The following LDLRAD4 variants were observed in gnomAD, a reference collection of about 807,000 sequenced individuals.
LDLRAD4 encodes low density lipoprotein receptor class A domain containing 4.
LDLRAD4 carries 5 observed loss-of-function variants against 17.0 expected under a neutral mutation model. The observed-to-expected ratio is 0.29, with a 90% CI of 0.15 to 0.62. The LOEUF is 0.62. Among genes scored for constraint, LDLRAD4 ranks in the 20% least tolerant of loss-of-function variants. LDLRAD4 has a pLI of 0.84. For missense variants in LDLRAD4, 340 were observed against 424.7 expected (o/e 0.80, Z 1.75); for synonymous variants, 168 against 171.8 (o/e 0.98, Z 0.17).
intron 1 of LDLRAD4, among the ~76,000 whole-genome samples, chr18:13,223,755 C>G (rs918450353): frequency 2.6e-5 from 4 of 152,174 alleles, no homozygotes; most frequent in African/African-American, 9.7e-5. Flanking sequence ...TGAGGGCTGC[C>G]ATACACTGAT....
chr18:13,344,114 T>C (rs1034214141), intron 1 of LDLRAD4, among the ~76,000 whole-genome samples: 5 of 152,250 alleles, frequency 3.3e-5, no homozygotes, highest in Admixed American at 1.3e-4. Context: ...ATTTTGGCTT[T>C]TGATGCCATT....
At chr18:13,239,188 A>AAAG (rs1366013749) in intron 1 of LDLRAD4, among the ~76,000 whole-genome samples, 1 of 146,046 alleles carries the variant, frequency 6.8e-6, no homozygotes, top group Non-Finnish European at 1.5e-5. Flanking sequence ...CTCTGTCTCA[A>AAAG]AAAAAAAAAA....
intron 3 of LDLRAD4, among the ~76,000 whole-genome samples, chr18:13,496,993 C>T (rs778775437): frequency 1.9e-4 from 29 of 152,138 alleles, no homozygotes; most frequent in African/African-American, 5.8e-4. Context: ...CTAAGAAATG[C>T]GCATGTATTC....
chr18:13,359,608 AT>A (rs909256563), intron 1 of LDLRAD4, among the ~76,000 whole-genome samples: 1 of 152,194 alleles, frequency 6.6e-6, no homozygotes, highest in Admixed American at 6.5e-5. Flanking sequence ...TAATTTTTTA[AT>A]TGCAGATAAG....
At chr18:13,257,776 AG>A (rs1415422275) in intron 1 of LDLRAD4, among the ~76,000 whole-genome samples, 2 of 152,208 alleles carry the variant, frequency 1.3e-5, no homozygotes, top group African/African-American at 4.8e-5. Context: ...GGATGCTGTT[AG>A]ACTGCCCACA....
At chr18:13,493,803 C>A (rs933565601) in intron 3 of LDLRAD4, among the ~76,000 whole-genome samples, 1 of 152,182 alleles carries the variant, frequency 6.6e-6, no homozygotes, top group African/African-American at 2.4e-5. Context: ...CAGAGGGAGG[C>A]GGTCAAAGCC....
chr18:13,571,159 T>C (rs1164321837), intron 3 of LDLRAD4, among the ~76,000 whole-genome samples: 1 of 152,160 alleles, frequency 6.6e-6, no homozygotes, highest in Admixed American at 6.5e-5. Flanking sequence ...GTGTCCACTT[T>C]CCTCACACTC....
chr18:13,644,217 G>A (rs1200946359), intron 5 of LDLRAD4, among the ~76,000 whole-genome samples: 2 of 151,904 alleles, frequency 1.3e-5, no homozygotes, highest in Non-Finnish European at 2.9e-5. Flanking sequence ...TTAATAAATC[G>A]ACCCAATGCT....
At chr18:13,314,454 T>A (rs2080822090) in intron 1 of LDLRAD4, among the ~76,000 whole-genome samples, 1 of 152,210 alleles carries the variant, frequency 6.6e-6, no homozygotes. Flanking sequence ...ACCTTGGAGA[T>A]GTTGTGGAAT....
intron 3 of LDLRAD4, chr18:13,520,000 A>C (rs1353802764): frequency 1.3e-5 from 2 of 152,256 alleles, no homozygotes; most frequent in African/African-American, 4.8e-5. Flanking sequence ...CACTAGCTAC[A>C]GGTGCATTTA....
At chr18:13,595,591 C>T (rs993606181) in intron 3 of LDLRAD4, among the ~76,000 whole-genome samples, 3 of 152,118 alleles carry the variant, frequency 2.0e-5, no homozygotes, top group Non-Finnish European at 4.4e-5. Context: ...TTAAGCCAAC[C>T]TCCCACCTTG....
intron 1 of LDLRAD4, among the ~76,000 whole-genome samples, chr18:13,306,382 T>C (rs2046915473): frequency 6.6e-6 from 1 of 152,226 alleles, no homozygotes; most frequent in Non-Finnish European, 1.5e-5. Flanking sequence ...AGTCAGGAAG[T>C]ACGTTGCCAG....
intron 1 of LDLRAD4, among the ~76,000 whole-genome samples, chr18:13,219,345 C>T (rs2041319695): frequency 6.6e-6 from 1 of 152,096 alleles, no homozygotes; most frequent in Non-Finnish European, 1.5e-5. Flanking sequence ...TTGTTTTTCC[C>T]CCAAAATTTT....
intron 4 of LDLRAD4, among the ~76,000 whole-genome samples, chr18:13,639,351 ACT>A (rs1316303447): frequency 1.3e-5 from 2 of 152,136 alleles, no homozygotes; most frequent in Non-Finnish European, 2.9e-5. Context: ...AGCTATCTGC[ACT>A]CTCTCAGTTG....
intron 4 of LDLRAD4, among the ~76,000 whole-genome samples, chr18:13,623,350 CA>C (rs2148828395): frequency 6.6e-6 from 1 of 152,368 alleles, no homozygotes; most frequent in Non-Finnish European, 1.5e-5. Context: ...CAGTGGTCCA[CA>C]TCCCTGTCTG....
At chr18:13,320,121 T>A (rs1340062453) in intron 1 of LDLRAD4, among the ~76,000 whole-genome samples, 1 of 152,236 alleles carries the variant, frequency 6.6e-6, no homozygotes, top group Non-Finnish European at 1.5e-5. Flanking sequence ...AGATAACATA[T>A]TTTATTGCAT....
rs537881753 is a variant in LDLRAD4 at position 13,348,316 on chromosome 18, T to C, written c.-382-39025T>C. The stretch of plus-strand genomic sequence containing the variant: ...GTCAGGACCCTCAGCTGCAGGTCTT[T>C]TGGAGTTTGCTGGAGGTCCACTCCA... On this transcript the variant is annotated intron_variant, in intron 1 of 5. Transcript: ENST00000359446. 1.0e-3 allele frequency among the ~76,000 whole-genome samples: 157 copies of C among 152,336 alleles called. 1 individual carries two copies. The highest frequency in any genetic ancestry group is 3.7e-3 in the African/African-American group (152 of 41,566).
At chr18:13,528,544 C>G (rs1458211114) in intron 3 of LDLRAD4, among the ~76,000 whole-genome samples, 4 of 152,146 alleles carry the variant, frequency 2.6e-5, no homozygotes, top group Admixed American at 2.6e-4. Context: ...AACTCCTGAC[C>G]TCGGGTGATC....
chr18:13,357,659 T>C (rs2083428258), intron 1 of LDLRAD4, among the ~76,000 whole-genome samples: 1 of 152,210 alleles, frequency 6.6e-6, no homozygotes, highest in Non-Finnish European at 1.5e-5. Context: ...ATATTTCTTT[T>C]AATATTGTCT....
Sources: gnomAD v4.1 joint callset for allele counts (sites outside exome capture counted in the v4.1 genomes callset) on GRCh38, gnomAD v4.1.1 for gene constraint, MANE v1.5 for transcripts, NCBI Gene and HGNC (gene_info 2026-07-23, HGNC 2026-07-21) for gene names.